Variants in ST7L observed in about 807,000 individuals in gnomAD.
The protein encoded by ST7L is suppressor of tumorigenicity 7 protein-like.
Under a neutral mutation model 72.5 loss-of-function variants are expected in ST7L, and 57 were observed. That is an observed-to-expected ratio of 0.79 (90% CI 0.64 to 0.98). The LOEUF (loss-of-function observed/expected upper bound fraction) is 0.98. Ranked by LOEUF, ST7L falls within the 50% of genes least tolerant of loss-of-function variation. The pLI, the probability that ST7L is intolerant of heterozygous loss-of-function variation, is 0.00. For missense variants in ST7L, 576 were observed against 672.2 expected (o/e 0.86, Z 1.58); for synonymous variants, 221 against 240.9 (o/e 0.92, Z 0.77).
intron 11 of ST7L, among the ~76,000 whole-genome samples, chr1:112,563,766 T>C (rs775722760): frequency 1.0e-3 from 156 of 152,322 alleles, no homozygotes; most frequent in Non-Finnish European, 1.4e-3. Flanking sequence ...GCCCTATGTA[T>C]GCTTACACTC....
At chr1:112,549,118 C>T (rs1657659871) in intron 13 of ST7L, among the ~76,000 whole-genome samples, 1 of 152,054 alleles carries the variant, frequency 6.6e-6, no homozygotes, top group Non-Finnish European at 1.5e-5. Context: ...TGGGGCCAGC[C>T]ATGGTGGTTC....
chr1:112,619,259 G>A (rs1670462957), upstream of ST7L: 3 of 727,072 alleles, frequency 4.1e-6, no homozygotes, highest in Admixed American at 8.2e-5. Context: ...TTTCGAAGGT[G>A]GAGGAGCGTG....
At chr1:112,551,138 C>CTTTTTTTTTTTTTTTTTTTTT (rs567601091) in intron 12 of ST7L, among the ~76,000 whole-genome samples, 2 of 77,224 alleles carry the variant, frequency 2.6e-5, no homozygotes, top group Non-Finnish European at 4.5e-5. Context: ...ATGAGCAGAT[C>CTTTTTTTTTTTTTTTTTTTTT]TTTTTTTTTT....
At chr1:112,603,175 A>T (rs1235183270) in intron 3 of ST7L, among the ~76,000 whole-genome samples, 1 of 152,144 alleles carries the variant, frequency 6.6e-6, no homozygotes, top group Non-Finnish European at 1.5e-5. Context: ...CACAATAAAG[A>T]CTTTTCTGTG....
At chr1:112,599,616 T>C (rs1183754576) in intron 4 of ST7L, among the ~76,000 whole-genome samples, 1 of 152,200 alleles carries the variant, frequency 6.6e-6, no homozygotes, top group Non-Finnish European at 1.5e-5. Flanking sequence ...AGTCAATATA[T>C]AGTCCCTCTA....
At chr1:112,569,428 C>T (rs1023061807) in intron 11 of ST7L, among the ~76,000 whole-genome samples, 2 of 152,120 alleles carry the variant, frequency 1.3e-5, no homozygotes, top group African/African-American at 4.8e-5. Flanking sequence ...TGAAAGAAGT[C>T]AGACACAAAA....
chr1:112,574,526 G>T (rs994729874), intron 11 of ST7L, among the ~76,000 whole-genome samples: 4 of 151,664 alleles, frequency 2.6e-5, no homozygotes, highest in Admixed American at 6.6e-5. Flanking sequence ...AGGCGTGGTG[G>T]CGGGCGCCTG....
chr1:112,617,715 T>TCACACACACACACA lies in ST7L; in HGVS notation c.206-821_206-820insTGTGTGTGTGTGTG, dbSNP rs761146961. 2.4e-5 allele frequency among the ~76,000 whole-genome samples: 3 copies of TCACACACACACACA among 123,148 alleles called. No homozygotes were observed. In the East Asian group the frequency reaches 8.9e-4, roughly 37 times the overall value. 80.8% of individuals were successfully genotyped at this position (123,148 alleles called of 152,430 possible). A position where few individuals can be genotyped will look rare whatever the true frequency, so the allele number is the denominator to read the frequency against. ...GGGAGACTCTGTCTGTCTTTCTCTCTCTCACACACACACACACACACACAC... is the reference window on the plus strand; with the variant it reads ...GGGAGACTCTGTCTGTCTTTCTCTCTCACACACACACACACTCACACACACACACACACACACAC... On this transcript the variant is annotated intron_variant, in intron 1 of 14. Transcript: ENST00000358039.
chr1:112,560,018 A>G (rs1659845837), intron 11 of ST7L, among the ~76,000 whole-genome samples: 1 of 152,082 alleles, frequency 6.6e-6, no homozygotes, highest in Non-Finnish European at 1.5e-5. Flanking sequence ...CTTATTTTTT[A>G]TTTAAAATAA....
chr1:112,609,363 T>TC (rs1668721207), intron 3 of ST7L, among the ~76,000 whole-genome samples: 1 of 151,526 alleles, frequency 6.6e-6, no homozygotes, highest in African/African-American at 2.4e-5. Flanking sequence ...GAAACCCATC[T>TC]CTACTAAAAA....
chr1:112,597,459 CCTGT>C (rs1666648392), intron 5 of ST7L, among the ~76,000 whole-genome samples: 1 of 152,108 alleles, frequency 6.6e-6, no homozygotes, highest in Non-Finnish European at 1.5e-5. Context: ...ATCAATCAGC[CCTGT>C]CTTTAAACCA....
At chr1:112,619,524 A>C (rs1670490603), upstream of ST7L, 3 of 528,390 alleles carry the variant, frequency 5.7e-6, no homozygotes, top group Non-Finnish European at 6.7e-6. Context: ...AGGAGTAGCA[A>C]CAGCTATTTG....
At chr1:112,577,209 G>C in intron 10 of ST7L, 121 bp from the exon 11 acceptor site, 3 of 468,610 alleles carry the variant, frequency 6.4e-6, no homozygotes, top group Non-Finnish European at 7.2e-6. Context: ...CAAAAACAAA[G>C]CCAGAGGACT....
Position 112,593,345 on chromosome 1 carries a change from A to G in ST7L, c.623-1742T>C, listed in dbSNP as rs147174936. Among the ~76,000 whole-genome samples the G allele has an allele frequency of 4.5e-3, 683 of 152,270 alleles. 3 individuals carry two copies. Among genetic ancestry groups the G allele is most frequent in the African/African-American group, 0.016 (649 of 41,558 alleles). Reference sequence around the variant, plus strand: ...AAAACAAAATGCTGATTTGGTATTCAATTGTCCTCTTTAAGGGCTCTTAAT... The same window carrying G: ...AAAACAAAATGCTGATTTGGTATTCGATTGTCCTCTTTAAGGGCTCTTAAT... On this transcript the variant is annotated intron_variant, in intron 5 of 14. Transcript: ENST00000358039.
chr1:112,618,051 C>G lies in ST7L; in HGVS notation c.205+858G>C, dbSNP rs1031541974. ...GAACAGGAAAGGGGACATTTGCTGC[C>G]TTTTGCTTCAGAAAAATCAACCACC... On this transcript the variant is annotated intron_variant, in intron 1 of 14. Coordinates refer to ENST00000358039, the MANE Select transcript of ST7L (RefSeq NM_017744.5). 5.4e-6 allele frequency: 7 copies of G among 1,303,968 alleles called. No individual in the cohort carries two copies. In the African/African-American group the frequency reaches 9.1e-5, roughly 17 times the overall value. The allele number at this position is 1,303,968 out of a possible 1,614,324, so 80.8% of individuals were successfully genotyped here.
chr1:112,550,896 GA>G (rs1396504122), intron 12 of ST7L, among the ~76,000 whole-genome samples: 15 of 152,182 alleles, frequency 9.9e-5, no homozygotes, highest in Admixed American at 9.8e-4. Context: ...AGTCTGGCTG[GA>G]GTAAAACTAT....
chr1:112,586,283 A>T lies in ST7L; in HGVS notation c.702-2157T>A, dbSNP rs1166798833. ...TCTCTATAAAACAATAATAATAAAG[A>T]TTTAAAAATTAGCTGGGTGTGGTTG... On this transcript the variant is annotated intron_variant, in intron 6 of 14. Transcript: ENST00000358039. 4.6e-5 allele frequency among the ~76,000 whole-genome samples: 7 copies of T among 152,188 alleles called. No individual in the cohort carries two copies. In the East Asian group the frequency reaches 1.2e-3, roughly 25 times the overall value.
chr1:112,596,697 G>C (rs1207213533), intron 5 of ST7L, among the ~76,000 whole-genome samples: 1 of 151,824 alleles, frequency 6.6e-6, no homozygotes, highest in African/African-American at 2.4e-5. Flanking sequence ...GAGTGCAATG[G>C]CCCAATCTCA....
chr1:112,569,041 G>T (rs1451451853), intron 11 of ST7L, among the ~76,000 whole-genome samples: 3 of 151,752 alleles, frequency 2.0e-5, no homozygotes, highest in Non-Finnish European at 2.9e-5. Context: ...CATACCCATT[G>T]GGATAACTAT....
Sources: allele counts gnomAD v4.1 joint callset (sites outside exome capture counted in the v4.1 genomes callset), GRCh38; gene constraint gnomAD v4.1.1; transcripts MANE v1.5; gene names NCBI Gene and HGNC (gene_info 2026-07-23, HGNC 2026-07-21).